Variants in CDCP1 observed in about 807,000 individuals in gnomAD.
CDCP1 encodes the protein CUB domain containing protein 1.
A neutral mutation model predicts 60.2 loss-of-function variants in CDCP1; 29 were observed. That is an observed-to-expected ratio of 0.48 (90% CI 0.36 to 0.66). The LOEUF (loss-of-function observed/expected upper bound fraction) is 0.66. Ranked by LOEUF, CDCP1 falls within the 30% of genes least tolerant of loss-of-function variation. The pLI is 0.00. For synonymous variants in CDCP1, 387 were observed against 431.1 expected (o/e 0.90, Z 1.27); for missense variants, 876 against 1,074.3 (o/e 0.82, Z 2.58).
At chr3:45,137,517 G>A (rs183897866) in intron 1 of CDCP1, among the ~76,000 whole-genome samples, 4 of 152,186 alleles carry the variant, frequency 2.6e-5, no homozygotes, top group Admixed American at 1.3e-4. Context: ...CTTGAAAAAT[G>A]TCTGCTAGGC....
At chr3:45,130,705 G>A (rs1408896379) in intron 1 of CDCP1, among the ~76,000 whole-genome samples, 1 of 152,206 alleles carries the variant, frequency 6.6e-6, no homozygotes. Flanking sequence ...CCTTCCTCAT[G>A]ATCTGAACCC....
intron 7 of CDCP1, 75 bp from the exon 8 acceptor site, chr3:45,089,216 A>T: frequency 8.4e-7 from 1 of 1,187,534 alleles, no homozygotes; most frequent in Non-Finnish European, 1.2e-6. Context: ...AGGCATCTCC[A>T]AAAGCAGCTG....
chr3:45,117,028 A>G (rs1444705588), intron 2 of CDCP1, among the ~76,000 whole-genome samples: 1 of 152,036 alleles, frequency 6.6e-6, no homozygotes, highest in Non-Finnish European at 1.5e-5. Flanking sequence ...TGTCTATTTA[A>G]TTAGTCTGCA....
Position 45,118,435 on chromosome 3 carries a change from A to G in CDCP1, c.269T>C (p.Val90Ala). Residue 90 changes from valine (V) to alanine (A), a missense_variant, in exon 2 of 9, where the codon GTC becomes GCC. Around this residue, in one of 2 missense-constraint regions of CDCP1, gnomAD observed 150 missense variants for 138.6 expected, o/e 1.08. Coordinates refer to ENST00000296129, the MANE Select transcript of CDCP1 (RefSeq NM_022842.5). ...ACCAATATTTTTCTGGATCTCTATG[A>G]CAAAGTGATTCTCAGGACTCTGGCA... ...FSCQSPENHF[V>A]IEIQKNIDCM... The G allele has an allele frequency of 6.2e-7, 1 of 1,614,042 alleles. No individual in the cohort carries two copies. The highest frequency in any genetic ancestry group is 1.3e-5 in the African/African-American group (1 of 75,064).
At chr3:45,127,587 G>C (rs925462289) in intron 1 of CDCP1, among the ~76,000 whole-genome samples, 1 of 152,198 alleles carries the variant, frequency 6.6e-6, no homozygotes, top group African/African-American at 2.4e-5. Context: ...TTTCAACCAG[G>C]CTTCTGCTTT....
At position 45,086,068 on chromosome 3, in the gene CDCP1, C is replaced by T. The variant is rs1698188659; in HGVS notation, c.2082-1G>A. 1 of 1,612,350 alleles carries T rather than the reference C, an allele frequency of 6.2e-7. No homozygotes were observed. On this transcript the variant is annotated splice_acceptor_variant, in intron 8 of 8. Transcript: ENST00000296129. LOFTEE classifies it high-confidence loss of function. Reference sequence around the variant, plus strand: ...GGGGCCCTTGTTTGTCTTCTTTTTCCTATTTGGAAAAATGGAACAAGACAG... The same window carrying T: ...GGGGCCCTTGTTTGTCTTCTTTTTCTTATTTGGAAAAATGGAACAAGACAG...
chr3:45,126,577 C>T (rs941663525), intron 1 of CDCP1, among the ~76,000 whole-genome samples: 2 of 152,098 alleles, frequency 1.3e-5, no homozygotes, highest in Non-Finnish European at 2.9e-5. Context: ...TAAGTCTTGC[C>T]AACAACAGGA....
chr3:45,086,834 C>T (rs1028739280), intron 8 of CDCP1, among the ~76,000 whole-genome samples: 4 of 152,250 alleles, frequency 2.6e-5, no homozygotes, highest in Non-Finnish European at 4.4e-5. Flanking sequence ...TCTTTGTGAA[C>T]CAAACAGCAG....
rs1297198585 is a variant in CDCP1 at position 45,083,340 on chromosome 3, C to T, written c.*2298G>A. The T allele has an allele frequency of 6.6e-6, 1 of 152,220 alleles. No individual in the cohort carries two copies. The highest frequency in any genetic ancestry group is 1.5e-5 in the Non-Finnish European group (1 of 68,040). The allele number at this position is 152,220 out of a possible 1,614,324, so 9.4% of individuals were successfully genotyped here. On this transcript the variant is annotated 3_prime_UTR_variant, in exon 9 of 9. Coordinates refer to ENST00000296129, the MANE Select transcript of CDCP1 (RefSeq NM_022842.5). ...AAGGGCATGACTTAAATATCCTATC[C>T]TCTGGAAAGTGTTCAAGAGGTCTTG... is the stretch of plus-strand genomic sequence containing the variant.
intron 4 of CDCP1, among the ~76,000 whole-genome samples, chr3:45,108,902 TGCATGTATAC>T (rs1698632772): frequency 1.4e-5 from 1 of 71,342 alleles, no homozygotes; most frequent in African/African-American, 5.1e-5. Context: ...TATATATATA[TGCATGTATAC>T]ATATATATAT....
intron 1 of CDCP1, among the ~76,000 whole-genome samples, chr3:45,126,166 C>CTTTCTTTCT: frequency 6.9e-6 from 1 of 144,410 alleles, no homozygotes; most frequent in East Asian, 2.0e-4. Context: ...TTCTTTCTTT[C>CTTTCTTTCT]TTTCTTTCCT....
chr3:45,130,268 CA>C (rs1699066778), intron 1 of CDCP1, among the ~76,000 whole-genome samples: 1 of 151,302 alleles, frequency 6.6e-6, no homozygotes, highest in African/African-American at 2.5e-5. Flanking sequence ...ACCTCAAACG[CA>C]TGCCACCACA....
rs1698170719 is a variant in CDCP1, at chr3:45,085,417, C to T, written c.*221G>A. 5.4e-6 allele frequency: 3 copies of T among 550,792 alleles called. No individual in the cohort carries two copies. Among genetic ancestry groups the T allele is most frequent in the Non-Finnish European group, 9.7e-6 (3 of 310,612 alleles). The allele number at this position is 550,792 out of a possible 1,614,324, so 34.1% of individuals were successfully genotyped here. On this transcript the variant is annotated 3_prime_UTR_variant, in exon 9 of 9. Coordinates refer to ENST00000296129, the MANE Select transcript of CDCP1 (RefSeq NM_022842.5). This position sits in a 1 kb window ranked among gnomAD's most constrained non-coding sequence, Gnocchi z 4.2. ...ACCGCACAGCCTAAGTTGAGGAGCA[C>T]ATGAGCTGTCATGACTGTATCCAGA...
In CDCP1 at chr3:45,085,513, C is replaced by A. The variant is rs1292155915; in HGVS notation, c.*125G>T. 2.0e-5 allele frequency: 20 copies of A among 1,006,552 alleles called. No individual in the cohort carries two copies. The highest frequency in any genetic ancestry group is 2.8e-5 in the Non-Finnish European group (19 of 673,444). The allele number at this position is 1,006,552 out of a possible 1,614,324, so 62.4% of individuals were successfully genotyped here. Reference sequence around the variant, plus strand: ...TGAGCAATGTGAAGTTGGCGGTGTCCAGGAAAACCTCCTGCTGTTCCTTCT... The same window carrying A: ...TGAGCAATGTGAAGTTGGCGGTGTCAAGGAAAACCTCCTGCTGTTCCTTCT... On this transcript the variant is annotated 3_prime_UTR_variant, in exon 9 of 9. Transcript: ENST00000296129. This position sits in a 1 kb window ranked among gnomAD's most constrained non-coding sequence, Gnocchi z 4.2.
At chr3:45,142,663 C>T (rs1157226035) in intron 1 of CDCP1, among the ~76,000 whole-genome samples, 1 of 152,194 alleles carries the variant, frequency 6.6e-6, no homozygotes, top group East Asian at 1.9e-4. Flanking sequence ...CTCTTCATCC[C>T]AGCAATTCTG....
chr3:45,108,064 G>T (rs773276682), intron 4 of CDCP1, among the ~76,000 whole-genome samples: 1 of 151,970 alleles, frequency 6.6e-6, no homozygotes, highest in Non-Finnish European at 1.5e-5. Flanking sequence ...GTTACAGTGA[G>T]CTGAGAGCCG....
At chr3:45,110,317 T>C in intron 4 of CDCP1, 156 bp downstream of exon 4, 1 of 1,445,810 alleles carries the variant, frequency 6.9e-7, no homozygotes, top group Non-Finnish European at 9.1e-7. Flanking sequence ...TCTAACTGCC[T>C]AGCAACCCAC....
intron 6 of CDCP1, among the ~76,000 whole-genome samples, chr3:45,092,194 A>G (rs966927815): frequency 6.6e-6 from 1 of 151,960 alleles, no homozygotes; most frequent in Non-Finnish European, 1.5e-5. Flanking sequence ...AGGACTTTTG[A>G]AAAAAAACAA....
At chr3:45,094,718 G>C (rs1162456669) in intron 5 of CDCP1, among the ~76,000 whole-genome samples, 2 of 151,802 alleles carry the variant, frequency 1.3e-5, no homozygotes, top group East Asian at 3.9e-4. Context: ...TGTGGGGTGT[G>C]GGGGGATGGG....
Sources: allele counts gnomAD v4.1 joint callset (sites outside exome capture counted in the v4.1 genomes callset), GRCh38; gene constraint gnomAD v4.1.1; regional missense constraint gnomAD v4.1.1; non-coding constraint Gnocchi (gnomAD v3.1); transcripts MANE v1.5; gene names NCBI Gene and HGNC (gene_info 2026-07-23, HGNC 2026-07-21).